Variants in CHODL observed in about 807,000 individuals in gnomAD.
CHODL encodes the protein chondrolectin.
A neutral mutation model predicts 34.5 loss-of-function variants in CHODL; 29 were observed. That is an observed-to-expected ratio of 0.84 (90% CI 0.63 to 1.15). CHODL has a LOEUF of 1.15. Among genes scored for constraint, CHODL ranks in the 50% most tolerant of loss-of-function variants. CHODL has a pLI of 0.00. For missense variants in CHODL, 332 were observed against 332.5 expected, an observed-to-expected ratio of 1.00 and a Z score of 0.01; for synonymous variants, 125 against 116.1, an observed-to-expected ratio of 1.08 and a Z score of -0.49.
chr21:18,176,371 A>G (rs2073312577), intron 2 of CHODL, among the ~76,000 whole-genome samples: 1 of 152,202 alleles, frequency 6.6e-6, no homozygotes, highest in Non-Finnish European at 1.5e-5. Context: ...CTCTTAAAAC[A>G]GTATGGTAAG....
chr21:18,180,535 G>A (rs1027094044), intron 2 of CHODL, among the ~76,000 whole-genome samples: 2 of 152,224 alleles, frequency 1.3e-5, no homozygotes, highest in African/African-American at 2.4e-5. Context: ...GCTCAAAGTA[G>A]AAGTAACCTT....
chr21:18,228,800 A>T (rs1308861296), intron 2 of CHODL, among the ~76,000 whole-genome samples: 1 of 152,212 alleles, frequency 6.6e-6, no homozygotes, highest in Non-Finnish European at 1.5e-5. Context: ...AAAAGTGTTG[A>T]CATAATGAGA....
intron 1 of CHODL, among the ~76,000 whole-genome samples, chr21:17,925,497 C>T (rs981204606): frequency 1.3e-5 from 2 of 152,058 alleles, no homozygotes; most frequent in Admixed American, 1.3e-4. Flanking sequence ...CTCAACTGAC[C>T]TTTGGCATTA....
intron 2 of CHODL, among the ~76,000 whole-genome samples, chr21:18,146,915 C>A (rs576025445): frequency 2.8e-4 from 42 of 152,224 alleles, no homozygotes; most frequent in African/African-American, 9.4e-4. Flanking sequence ...AAATGTCTAC[C>A]TTCTTCTCTC....
chr21:18,078,071 G>A (rs2064887964), intron 2 of CHODL, among the ~76,000 whole-genome samples: 1 of 152,134 alleles, frequency 6.6e-6, no homozygotes, highest in Non-Finnish European at 1.5e-5. Context: ...TCTTTCTCTG[G>A]ATAAGTGGAT....
chr21:18,247,475 AC>A lies in CHODL; in HGVS notation c.79+2174del, dbSNP rs767301200. Among the ~76,000 whole-genome samples, 16 of 152,184 alleles carry A rather than the reference AC, an allele frequency of 1.1e-4. 1 individual carries two copies. The highest frequency in any genetic ancestry group is 7.9e-4 in the Admixed American group (12 of 15,280). On this transcript the variant is annotated intron_variant, in intron 1 of 5. Coordinates refer to ENST00000299295, the MANE Select transcript of CHODL (RefSeq NM_024944.3). Reference sequence around the variant, plus strand: ...AATACCTTAAAATATTCAATAAGGTACTTTCCAATACTTTTAAATACATCAC... The same window carrying A: ...AATACCTTAAAATATTCAATAAGGTATTTCCAATACTTTTAAATACATCAC...
chr21:18,266,960 C>T lies in CHODL; in HGVS notation c.*922C>T, dbSNP rs2074470943. 2 of 152,214 alleles carry T rather than the reference C, an allele frequency of 1.3e-5. No individual in the cohort carries two copies. The highest frequency in any genetic ancestry group is 4.8e-5 in the African/African-American group (2 of 41,450). The allele number at this position is 152,214 out of a possible 1,614,324, so 9.4% of individuals were successfully genotyped here. ...TGTGGTCCCTCTCTTGCCCACTAAA[C>T]AAAGATGGTTGTTCGGGGTTTGGGA... On this transcript the variant is annotated 3_prime_UTR_variant, in exon 6 of 6. Coordinates refer to ENST00000299295, the MANE Select transcript of CHODL (RefSeq NM_024944.3).
chr21:18,242,351 T>C (rs942506605), upstream of CHODL, among the ~76,000 whole-genome samples: 4 of 152,148 alleles, frequency 2.6e-5, no homozygotes, highest in African/African-American at 4.8e-5. Flanking sequence ...CAACTCCCAA[T>C]AACCTTGTAA....
chr21:18,261,138 C>T (rs1384122693), intron 4 of CHODL, among the ~76,000 whole-genome samples: 1 of 152,144 alleles, frequency 6.6e-6, no homozygotes, highest in African/African-American at 2.4e-5. Context: ...ATCTGGTCCA[C>T]TTTGACCAGA....
chr21:18,119,911 T>C (rs996973121), intron 2 of CHODL, among the ~76,000 whole-genome samples: 2 of 152,156 alleles, frequency 1.3e-5, no homozygotes, highest in African/African-American at 4.8e-5. Flanking sequence ...GATTTTGATT[T>C]TGTAGGATTA....
chr21:17,975,621 G>A (rs1227364636), intron 1 of CHODL, among the ~76,000 whole-genome samples: 2 of 152,008 alleles, frequency 1.3e-5, no homozygotes, highest in African/African-American at 2.4e-5. Flanking sequence ...TTGACCTTGA[G>A]GCTTTTAATT....
At chr21:18,091,504 T>G (rs548576972) in intron 2 of CHODL, among the ~76,000 whole-genome samples, 26 of 152,182 alleles carry the variant, frequency 1.7e-4, no homozygotes, top group Non-Finnish European at 2.9e-4. Flanking sequence ...GGACTTTGTC[T>G]TGTCTCTTTA....
intron 2 of CHODL, among the ~76,000 whole-genome samples, chr21:18,095,877 A>G (rs1057458219): frequency 4.6e-5 from 7 of 152,222 alleles, no homozygotes; most frequent in Non-Finnish European, 7.3e-5. Flanking sequence ...GTAATATATC[A>G]TCTCAAGAGA....
chr21:18,222,788 C>CT (rs1214813240), intron 2 of CHODL, among the ~76,000 whole-genome samples: 2 of 152,038 alleles, frequency 1.3e-5, no homozygotes, highest in African/African-American at 2.4e-5. Flanking sequence ...ATGTTTAGGT[C>CT]TTTTTTTGTG....
At chr21:18,139,260 G>C (rs1234473966) in intron 2 of CHODL, among the ~76,000 whole-genome samples, 1 of 151,860 alleles carries the variant, frequency 6.6e-6, no homozygotes, top group East Asian at 1.9e-4. Context: ...TGTGATTTAG[G>C]GATGGGATAT....
At chr21:18,087,628 T>G (rs149295287) in intron 2 of CHODL, among the ~76,000 whole-genome samples, 92 of 151,988 alleles carry the variant, frequency 6.1e-4, no homozygotes, top group Admixed American at 8.5e-4. Flanking sequence ...AGCCTGAGGG[T>G]AGAGGGCAGC....
At chr21:17,952,194 C>CAAAAAAAAAAAAAAAAAA (rs58511535) in intron 1 of CHODL, among the ~76,000 whole-genome samples, 1 of 80,366 alleles carries the variant, frequency 1.2e-5, no homozygotes, top group Non-Finnish European at 2.3e-5. Context: ...TACTATGTCT[C>CAAAAAAAAAAAAAAAAAA]AAAAAAAAAA....
At chr21:18,012,633 A>G (rs117498711) in intron 1 of CHODL, among the ~76,000 whole-genome samples, 43 of 152,352 alleles carry the variant, frequency 2.8e-4, no homozygotes, top group African/African-American at 7.9e-4. Context: ...ACAGAGTTCT[A>G]TTAAGTTTCA....
At chr21:18,159,245 G>A (rs1399936642) in intron 2 of CHODL, among the ~76,000 whole-genome samples, 1 of 152,166 alleles carries the variant, frequency 6.6e-6, no homozygotes, top group Non-Finnish European at 1.5e-5. Context: ...TATCATCAAG[G>A]TTGACAAACC....
Sources: allele counts gnomAD v4.1 joint callset (sites outside exome capture counted in the v4.1 genomes callset), GRCh38; gene constraint gnomAD v4.1.1; transcripts MANE v1.5; gene names NCBI Gene and HGNC (gene_info 2026-07-23, HGNC 2026-07-21).